The following SNTG1 variants were observed in gnomAD, a reference collection of about 807,000 sequenced individuals.
The protein encoded by SNTG1 is syntrophin gamma 1, also known as gamma-1-syntrophin.
SNTG1 carries 39 observed loss-of-function variants against 74.7 expected under a neutral mutation model. That is an observed-to-expected ratio of 0.52 (90% CI 0.40 to 0.68). SNTG1 has a LOEUF of 0.68. SNTG1 is among the 30% of genes least tolerant of loss of function. The pLI is 0.00. For synonymous variants in SNTG1, 254 were observed against 217.1 expected (o/e 1.17, Z -1.49); for missense variants, 685 against 609.5 (o/e 1.12, Z -1.30).
At chr8:50,791,180 T>A (rs369526031) in intron 18 of SNTG1, among the ~76,000 whole-genome samples, 18 of 151,892 alleles carry the variant, frequency 1.2e-4, no homozygotes, top group African/African-American at 4.3e-4. Flanking sequence ...ATGGAGGATT[T>A]CCAGGGTGAG....
intron 17 of SNTG1, among the ~76,000 whole-genome samples, chr8:50,750,880 A>G (rs1400777065): frequency 6.6e-6 from 1 of 151,996 alleles, no homozygotes; most frequent in Non-Finnish European, 1.5e-5. Context: ...AACAAAATCC[A>G]CAAAAGCCCT....
At position 50,774,552 on chromosome 8, in the gene SNTG1, A is replaced by G. The variant is rs1430016098; in HGVS notation, c.1396-18119A>G. 6.6e-5 allele frequency among the ~76,000 whole-genome samples: 10 copies of G among 151,848 alleles called. No homozygotes were observed. The East Asian group carries it at 1.9e-3, about 29-fold the overall frequency. On this transcript the variant is annotated intron_variant, in intron 18 of 18. Coordinates refer to ENST00000642720, the MANE Select transcript of SNTG1 (RefSeq NM_018967.5). ...GAATTAAGTCATTATTACATATAAAAAAAAGAACATTTGCCACTAGTAAAT... is the reference window on the plus strand; with the variant it reads ...GAATTAAGTCATTATTACATATAAAGAAAAGAACATTTGCCACTAGTAAAT...
intron 1 of SNTG1, among the ~76,000 whole-genome samples, chr8:49,932,519 C>A (rs761295765): frequency 7.3e-5 from 11 of 151,682 alleles, no homozygotes; most frequent in Non-Finnish European, 4.4e-5. Flanking sequence ...TGGTTTCTAT[C>A]CATCTCAAAC....
At chr8:50,612,130 A>C (rs558806070) in intron 13 of SNTG1, among the ~76,000 whole-genome samples, 3 of 152,302 alleles carry the variant, frequency 2.0e-5, no homozygotes, top group Admixed American at 6.5e-5. Context: ...CATTGTAGTA[A>C]CTTTACAGCA....
intron 1 of SNTG1, among the ~76,000 whole-genome samples, chr8:49,972,631 A>G (rs1027302162): frequency 4.0e-5 from 6 of 151,174 alleles, no homozygotes; most frequent in Non-Finnish European, 8.8e-5. Flanking sequence ...ACAAAGGGCT[A>G]ATATCCAGAA....
intron 9 of SNTG1, among the ~76,000 whole-genome samples, chr8:50,514,546 T>G (rs2094115255): frequency 6.6e-6 from 1 of 152,182 alleles, no homozygotes; most frequent in Non-Finnish European, 1.5e-5. Flanking sequence ...TTCAGTTCTC[T>G]CTCTGCTATT....
intron 2 of SNTG1, among the ~76,000 whole-genome samples, chr8:50,243,026 A>C (rs1369992010): frequency 6.6e-6 from 1 of 152,064 alleles, no homozygotes; most frequent in South Asian, 2.1e-4. Flanking sequence ...TAGTTTTTTG[A>C]ATATTGACAC....
rs188909091 is a variant in SNTG1, at chr8:49,939,390, C to T, written c.-103+27159C>T. On this transcript the variant is annotated intron_variant, in intron 1 of 18. Transcript: ENST00000642720. ...AATAAATAGTTTAATTGAATAAGAC[C>T]CTTGTCATTGACCACTTAGTATACA... 1.2e-3 allele frequency among the ~76,000 whole-genome samples: 186 copies of T among 152,178 alleles called. 2 individuals are homozygous for T. The highest frequency in any genetic ancestry group is 0.01 in the Middle Eastern group (3 of 294).
At chr8:50,667,594 C>A (rs1228858941) in intron 15 of SNTG1, among the ~76,000 whole-genome samples, 11 of 152,062 alleles carry the variant, frequency 7.2e-5, no homozygotes, top group African/African-American at 2.2e-4. Flanking sequence ...ATGACCTTAT[C>A]TAATTCTAAT....
At chr8:50,170,962 C>G (rs1027050458) in intron 1 of SNTG1, among the ~76,000 whole-genome samples, 1 of 152,172 alleles carries the variant, frequency 6.6e-6, no homozygotes, top group Non-Finnish European at 1.5e-5. Flanking sequence ...TTTGTAGGAG[C>G]TCCCACCTGA....
intron 1 of SNTG1, among the ~76,000 whole-genome samples, chr8:49,937,367 A>C (rs558785804): frequency 3.5e-4 from 54 of 152,326 alleles, no homozygotes; most frequent in Admixed American, 2.9e-3. Context: ...GGGGACTTTT[A>C]GGGGTGGGGT....
chr8:50,061,408 A>T (rs952755488), intron 1 of SNTG1, among the ~76,000 whole-genome samples: 12 of 151,984 alleles, frequency 7.9e-5, no homozygotes, highest in African/African-American at 2.9e-4. Flanking sequence ...GTGTCTTCTA[A>T]TTTTTTTGTC....
At chr8:50,406,260 C>G (rs949695462) in intron 4 of SNTG1, among the ~76,000 whole-genome samples, 32 of 151,852 alleles carry the variant, frequency 2.1e-4, no homozygotes, top group Admixed American at 1.4e-3. Context: ...TCTTTCAACC[C>G]CTTGCTTAAG....
At chr8:49,985,812 A>T (rs964605700) in intron 1 of SNTG1, among the ~76,000 whole-genome samples, 1 of 152,186 alleles carries the variant, frequency 6.6e-6, no homozygotes, top group Non-Finnish European at 1.5e-5. Context: ...TTATATTTAT[A>T]GACACCTGTT....
chr8:50,407,581 T>C (rs1449427153), intron 4 of SNTG1, among the ~76,000 whole-genome samples: 2 of 152,180 alleles, frequency 1.3e-5, no homozygotes, highest in South Asian at 2.1e-4. Flanking sequence ...GCTTCTAGGA[T>C]TGTCTTTGCC....
intron 1 of SNTG1, among the ~76,000 whole-genome samples, chr8:50,053,540 T>C (rs1819757052): frequency 1.3e-5 from 2 of 151,886 alleles, no homozygotes; most frequent in East Asian, 1.9e-4. Context: ...CACTGAATTA[T>C]AGACTTCAAA....
chr8:50,342,933 C>T (rs2091361641), intron 2 of SNTG1, among the ~76,000 whole-genome samples: 1 of 152,126 alleles, frequency 6.6e-6, no homozygotes. Flanking sequence ...CTGCCTGGAG[C>T]TCACTGACAA....
At chr8:50,143,843 A>G (rs2081761986) in intron 1 of SNTG1, among the ~76,000 whole-genome samples, 2 of 152,254 alleles carry the variant, frequency 1.3e-5, no homozygotes, top group African/African-American at 4.8e-5. Flanking sequence ...TCCTAGGTCA[A>G]AACTTGGAAT....
chr8:50,340,908 G>A (rs1297244831), intron 2 of SNTG1, among the ~76,000 whole-genome samples: 1 of 151,870 alleles, frequency 6.6e-6, no homozygotes, highest in Non-Finnish European at 1.5e-5. Flanking sequence ...ACAATTTGCA[G>A]AGTTCAAAGT....
Sources: allele counts gnomAD v4.1 joint callset (sites outside exome capture counted in the v4.1 genomes callset), GRCh38; gene constraint gnomAD v4.1.1; transcripts MANE v1.5; gene names NCBI Gene and HGNC (gene_info 2026-07-23, HGNC 2026-07-21).